The following GFPT1 variants were observed in gnomAD, a reference collection of about 807,000 sequenced individuals.
The protein encoded by GFPT1 is glutamine--fructose-6-phosphate aminotransferase [isomerizing] 1.
Under a neutral mutation model 92.0 loss-of-function variants are expected in GFPT1, and 40 were observed. The ratio of observed to expected loss-of-function variants is 0.43; its 90% CI spans 0.34 to 0.57. The LOEUF is 0.57. Ranked by LOEUF, GFPT1 falls within the 20% of genes least tolerant of loss-of-function variation. The probability of loss-of-function intolerance (pLI) is 0.02; values close to 1 mark genes in which losing one functional copy is unlikely to be tolerated. For missense variants in GFPT1, 448 were observed against 869.1 expected, an observed-to-expected ratio of 0.52 and a Z score of 6.09; for synonymous variants, 269 against 280.6, an observed-to-expected ratio of 0.96 and a Z score of 0.41.
At position 69,321,516 on chromosome 2, in the gene GFPT1, A is replaced by G. The variant is rs533737857; in HGVS notation, c.*4673T>C. On this transcript the variant is annotated 3_prime_UTR_variant, in exon 20 of 20. Transcript: ENST00000357308. ...ATATTAGCAAATTGCTTCAAAATGA[A>G]ATTCTAAGCAAGTTTTTGGTAATTT... is the stretch of plus-strand genomic sequence containing the variant. 1 of 152,226 alleles carries G rather than the reference A, an allele frequency of 6.6e-6. No homozygotes were observed. Among genetic ancestry groups the G allele is most frequent in the Non-Finnish European group, 1.5e-5 (1 of 68,036 alleles). 9.4% of individuals were successfully genotyped at this position (152,226 alleles called of 1,614,324 possible). A position where few individuals can be genotyped will look rare whatever the true frequency, so the allele number is the denominator to read the frequency against.
chr2:69,335,181 A>AT (rs935178935), intron 15 of GFPT1, among the ~76,000 whole-genome samples: 4 of 151,736 alleles, frequency 2.6e-5, no homozygotes, highest in African/African-American at 9.7e-5. Flanking sequence ...TAATTTTTGT[A>AT]TTTTTTATAG....
At position 69,326,019 on chromosome 2, in the gene GFPT1, G is replaced by C; in HGVS notation, c.*170C>G. 1.7e-6 allele frequency: 1 copy of C among 577,242 alleles called. No individual in the cohort carries two copies. Among genetic ancestry groups the C allele is most frequent in the Non-Finnish European group, 3.1e-6 (1 of 326,672 alleles). 35.8% of individuals were successfully genotyped at this position (577,242 alleles called of 1,614,324 possible). A position where few individuals can be genotyped will look rare whatever the true frequency, so the allele number is the denominator to read the frequency against. On this transcript the variant is annotated 3_prime_UTR_variant, in exon 20 of 20. Transcript: ENST00000357308. ...CACAAATTACTGGGAAAATGTAAGA[G>C]GTAACTTCACAAAAATCACATATTG... is the stretch of plus-strand genomic sequence containing the variant.
chr2:69,370,165 TTAA>T, intron 2 of GFPT1, 57 bp from the exon 3 acceptor site: 1 of 1,013,088 alleles, frequency 9.9e-7, no homozygotes, highest in East Asian at 2.4e-5. Context: ...GATAAAATTA[TTAA>T]TGTGAGGCAA....
At chr2:69,369,868 C>T (rs1671699984) in intron 3 of GFPT1, 133 bp downstream of exon 3, 2 of 706,840 alleles carry the variant, frequency 2.8e-6, no homozygotes, top group Non-Finnish European at 5.2e-6. Context: ...TTTCTTTCCT[C>T]CCTTCAATGT....
intron 1 of GFPT1, among the ~76,000 whole-genome samples, chr2:69,386,227 G>C (rs1248679889): frequency 6.6e-6 from 1 of 152,136 alleles, no homozygotes; most frequent in Non-Finnish European, 1.5e-5. Context: ...TCAAAACATG[G>C]AATAAAAGGG....
chr2:69,384,651 G>A (rs1398782589), intron 1 of GFPT1, among the ~76,000 whole-genome samples: 2 of 135,290 alleles, frequency 1.5e-5, no homozygotes, highest in African/African-American at 5.7e-5. Flanking sequence ...CCAAGATCAT[G>A]CCGCTGCACT....
intron 9 of GFPT1, among the ~76,000 whole-genome samples, chr2:69,352,976 G>A (rs1324604066): frequency 2.6e-5 from 4 of 152,110 alleles, no homozygotes; most frequent in Non-Finnish European, 5.9e-5. Flanking sequence ...AACCCGGGAG[G>A]CAGAGGTTGC....
At chr2:69,355,012 T>C (rs543892199) in intron 7 of GFPT1, among the ~76,000 whole-genome samples, 2 of 148,406 alleles carry the variant, frequency 1.3e-5, no homozygotes, top group Non-Finnish European at 2.9e-5. Flanking sequence ...TCCAAAATAT[T>C]CTCTATCAGG....
chr2:69,383,316 C>T (rs1702270520), intron 1 of GFPT1, among the ~76,000 whole-genome samples: 1 of 152,180 alleles, frequency 6.6e-6, no homozygotes, highest in Non-Finnish European at 1.5e-5. Context: ...CCTTCTACTG[C>T]TCATTACCAG....
chr2:69,352,905 G>A (rs1671246426), intron 9 of GFPT1, among the ~76,000 whole-genome samples: 2 of 151,898 alleles, frequency 1.3e-5, no homozygotes, highest in South Asian at 2.1e-4. Context: ...AGTTAGCCGG[G>A]TGTGGTGGTG....
intron 1 of GFPT1, among the ~76,000 whole-genome samples, chr2:69,384,296 C>T (rs1388587886): frequency 6.6e-6 from 1 of 152,126 alleles, no homozygotes; most frequent in Non-Finnish European, 1.5e-5. Flanking sequence ...TATTAACATC[C>T]CAATACAAGC....
rs757328377 is a variant in GFPT1 at position 69,329,335 on chromosome 2, G to C, written c.1687C>G (p.Arg563Gly). The C allele has an allele frequency of 5.6e-6, 9 of 1,612,890 alleles. No individual in the cohort carries two copies. Among genetic ancestry groups the C allele is most frequent in the Non-Finnish European group, 7.6e-6 (9 of 1,178,926 alleles). The change falls in exon 17 of 20, where the codon CGA (arginine) becomes GGA (glycine). Residue 563 changes from arginine (R) to glycine (G), a missense_variant. Transcript: ENST00000357308. The part of the protein sequence containing the change: ...YHQKSVLIMG[R>G]GYHYATCLEG... ...AGACAAGTAGCATAATGATAGCCTC[G>C]TCCCATTATCAGAACTGACTTCTGA...
intron 3 of GFPT1, among the ~76,000 whole-genome samples, chr2:69,366,808 G>T (rs1671622528): frequency 6.6e-6 from 1 of 152,062 alleles, no homozygotes; most frequent in African/African-American, 2.4e-5. Flanking sequence ...GGGCCGTAGT[G>T]CTTCAATAAT....
intron 3 of GFPT1, among the ~76,000 whole-genome samples, chr2:69,364,994 CA>C (rs58848043): frequency 9.3e-4 from 41 of 44,166 alleles, no homozygotes; most frequent in African/African-American, 1.9e-3. Context: ...GACTCCCTCT[CA>C]AAAAAAAAAA....
intron 12 of GFPT1, among the ~76,000 whole-genome samples, chr2:69,343,252 C>T (rs1670996351): frequency 6.6e-6 from 1 of 152,146 alleles, no homozygotes; most frequent in East Asian, 1.9e-4. Context: ...AATCACCCAC[C>T]AAGTAAATAT....
chr2:69,357,323 A>G (rs553365745), intron 6 of GFPT1, among the ~76,000 whole-genome samples: 64 of 152,312 alleles, frequency 4.2e-4, no homozygotes, highest in Non-Finnish European at 7.6e-4. Flanking sequence ...AGATATAAAT[A>G]TATACAATTA....
At chr2:69,335,217 G>A (rs893893879) in intron 15 of GFPT1, among the ~76,000 whole-genome samples, 17 of 151,868 alleles carry the variant, frequency 1.1e-4, no homozygotes, top group African/African-American at 3.9e-4. Context: ...CTGATGCCTC[G>A]GCTGGTCTTG....
intron 6 of GFPT1, among the ~76,000 whole-genome samples, chr2:69,356,917 G>C (rs911365376): frequency 1.6e-4 from 24 of 152,062 alleles, no homozygotes; most frequent in African/African-American, 5.3e-4. Flanking sequence ...ATTTTTAATA[G>C]AGACAGGGTT....
intron 15 of GFPT1, among the ~76,000 whole-genome samples, chr2:69,336,415 T>C (rs13394686): frequency 0.04 from 6,022 of 150,082 alleles, 351 homozygotes; most frequent in African/African-American, 0.12. Context: ...CTACAAAAAA[T>C]TCTCTATGAG....
Sources: gnomAD v4.1 joint callset for allele counts (sites outside exome capture counted in the v4.1 genomes callset) on GRCh38, gnomAD v4.1.1 for gene constraint, MANE v1.5 for transcripts, NCBI Gene and HGNC (gene_info 2026-07-23, HGNC 2026-07-21) for gene names.